The following CD101 variants were observed in gnomAD, a reference collection of about 807,000 sequenced individuals.
CD101 encodes the protein CD101 molecule, also known as immunoglobulin superfamily member 2.
A neutral mutation model predicts 98.2 loss-of-function variants in CD101; 76 were observed. The observed-to-expected ratio is 0.77, with a 90% CI of 0.64 to 0.94. The LOEUF (loss-of-function observed/expected upper bound fraction) is 0.94, where lower values mean the gene tolerates loss of function less well. CD101 is among the 40% of genes least tolerant of loss of function. The pLI is 0.00. For synonymous variants in CD101, 471 were observed against 472.7 expected (o/e 1.00, Z 0.05); for missense variants, 1,145 against 1,218.8 (o/e 0.94, Z 0.90).
chr1:117,002,168 CAA>C (rs1328040754), intron 1 of CD101, among the ~76,000 whole-genome samples: 2 of 152,158 alleles, frequency 1.3e-5, no homozygotes, highest in East Asian at 3.8e-4. Flanking sequence ...CCGATCATCC[CAA>C]GAGACAGTAA....
rs756431651 is a variant in CD101, at chr1:117,018,186, G to C, written c.1643G>C (p.Arg548Pro). The C allele has an allele frequency of 1.9e-6, 3 of 1,605,022 alleles. No homozygotes were observed. Among genetic ancestry groups the C allele is most frequent in the Non-Finnish European group, 2.6e-6 (3 of 1,174,238 alleles). ...AGTTTACAAGTTAGTCTGATGAGCC[G>C]TCAGCCGCAAGTGATGTTAACCAAC... is the stretch of plus-strand genomic sequence containing the variant. Reference protein sequence around the residue: ...ESSLQVSLMSRQPQVMLTNTF... With the variant: ...ESSLQVSLMSPQPQVMLTNTF... Residue 548 changes from arginine to proline, a missense_variant, in exon 6 of 10, where the codon CGT (arginine) becomes CCT (proline). Transcript: ENST00000682167. This position sits in a 1 kb window ranked among gnomAD's most constrained non-coding sequence, Gnocchi z 4.3.
rs765642030 is a variant in CD101, at chr1:117,034,090, G to A, written c.3055G>A (p.Glu1019Lys). The A allele has an allele frequency of 6.2e-7, 1 of 1,614,116 alleles. No individual in the cohort carries two copies. The highest frequency in any genetic ancestry group is 8.5e-7 in the Non-Finnish European group (1 of 1,180,038). Residue 1019 changes from glutamate (E) to lysine (K), a missense_variant, in exon 9 of 10, where the codon GAA (glutamate) becomes AAA (lysine). Glu to Lys is a moderately conservative substitution (Grantham distance 56). Transcript: ENST00000682167. ...TNRREDEEED[E>K]GN The stretch of plus-strand genomic sequence containing the variant: ...TAGGAGGGAAGACGAGGAGGAAGAT[G>A]AAGGCAACTGAATCCCAAGAGGCAC...
At chr1:117,009,816 C>G (rs200947837) in intron 1 of CD101, 34 bp from the exon 2 acceptor site, 202 of 1,559,272 alleles carry the variant, frequency 1.3e-4, no homozygotes, top group Non-Finnish European at 1.7e-4. Flanking sequence ...ACACTAATCT[C>G]TTTTTATTCC....
intron 1 of CD101, among the ~76,000 whole-genome samples, chr1:117,003,028 G>C (rs1652331167): frequency 6.6e-6 from 1 of 152,200 alleles, no homozygotes. Context: ...TGTGGCCCTA[G>C]CTACTTGGGA....
At position 117,034,106 on chromosome 1, in the gene CD101, C is replaced by T. The variant is rs367845374; in HGVS notation, c.*5C>T. 1.9e-6 allele frequency: 3 copies of T among 1,613,662 alleles called. No individual in the cohort carries two copies. The highest frequency in any genetic ancestry group is 1.3e-5 in the African/African-American group (1 of 74,876). ...GAGGAAGATGAAGGCAACTGAATCCCAAGAGGCACCTGCAGCCAGGAAGGA... is the reference window on the plus strand; with the variant it reads ...GAGGAAGATGAAGGCAACTGAATCCTAAGAGGCACCTGCAGCCAGGAAGGA... On this transcript the variant is annotated 3_prime_UTR_variant, in exon 9 of 10. Transcript: ENST00000682167.
Position 117,001,853 on chromosome 1 carries a change from CCTT to C in CD101, c.39_41del (p.Leu14del). 1.2e-6 allele frequency: 2 copies of C among 1,614,064 alleles called. No individual in the cohort carries two copies. Among genetic ancestry groups the C allele is most frequent in the Non-Finnish European group, 1.7e-6 (2 of 1,179,960 alleles). On this transcript the variant is annotated inframe_deletion, in exon 1 of 10. Coordinates refer to ENST00000682167, the MANE Select transcript of CD101 (RefSeq NM_001256106.3). ...TCTCATATGTGGCATCTTTCTTTCT[CCTT>C]CTGAGTAAGTTTCATAATCCTTTAT...
Position 117,011,749 on chromosome 1 carries a change from C to G in CD101, c.624C>G (p.Val208=). Residue 208 remains valine, a synonymous_variant, in exon 3 of 10, where the codon GTC becomes GTG. Transcript: ENST00000682167. ...CTCTCTCCAAAGATTTTATATTGGT[C>G]CCTGGGCCCTTGTATACAGAGCGGT... ...IISLSKDFIL[V]PGPLYTERFA... is the part of the protein sequence containing the mutation. The G allele has an allele frequency of 6.2e-7, 1 of 1,614,104 alleles. No homozygotes were observed.
chr1:117,017,484 A>G lies in CD101; in HGVS notation c.1612+11A>G, dbSNP rs1653310174. ...CTGTAAAGTCTCTGGGTAAGTGTCA[A>G]AGGAAGTCCTTTTCTGCACCTGTAT... is the stretch of plus-strand genomic sequence containing the variant. On this transcript the variant is annotated intron_variant, in intron 5 of 9. Transcript: ENST00000682167. The G allele has an allele frequency of 6.3e-7, 1 of 1,596,640 alleles. No individual in the cohort carries two copies. The highest frequency in any genetic ancestry group is 8.5e-7 in the Non-Finnish European group (1 of 1,169,798).
At chr1:117,035,774 G>A (rs898074780) in intron 9 of CD101, among the ~76,000 whole-genome samples, 11 of 152,098 alleles carry the variant, frequency 7.2e-5, no homozygotes, top group Middle Eastern at 3.4e-3. Context: ...GGATGGTCTC[G>A]ATCTCCTGAC....
At chr1:117,013,304 G>A (rs1652998507) in intron 3 of CD101, 102 bp from the exon 4 acceptor site, 2 of 1,348,786 alleles carry the variant, frequency 1.5e-6, no homozygotes, top group African/African-American at 1.5e-5. Flanking sequence ...CACATAAAAT[G>A]TGATCCCTGT....
intron 8 of CD101, among the ~76,000 whole-genome samples, chr1:117,028,053 C>T (rs1654074315): frequency 6.6e-6 from 1 of 151,796 alleles, no homozygotes; most frequent in African/African-American, 2.4e-5. Context: ...CCATTGCACT[C>T]CAGCCTGGGC....
rs537625778 is a variant in CD101 at position 117,022,099 on chromosome 1, A to G, written c.2428+116A>G. 1.1e-3 allele frequency: 1,240 copies of G among 1,140,126 alleles called. 2 individuals carry two copies. Among genetic ancestry groups the G allele is most frequent in the Non-Finnish European group, 1.5e-3 (1,186 of 800,612 alleles). The allele number at this position is 1,140,126 out of a possible 1,614,324, so 70.6% of individuals were successfully genotyped here. A position where few individuals can be genotyped will look rare whatever the true frequency, so the allele number is the denominator to read the frequency against. ...TAAAAATATGACCTAAAGTCATAGGAACAGTATCTACCTACACATGACTGC... is the reference window on the plus strand; with the variant it reads ...TAAAAATATGACCTAAAGTCATAGGGACAGTATCTACCTACACATGACTGC... On this transcript the variant is annotated intron_variant, in intron 7 of 9. Coordinates refer to ENST00000682167, the MANE Select transcript of CD101 (RefSeq NM_001256106.3). The surrounding 1 kb of genome is among the most constrained non-coding windows in gnomAD (Gnocchi z 4.8).
At chr1:117,027,942 G>T (rs912126685) in intron 8 of CD101, among the ~76,000 whole-genome samples, 1 of 152,022 alleles carries the variant, frequency 6.6e-6, no homozygotes, top group Non-Finnish European at 1.5e-5. Flanking sequence ...AAAATTAGCC[G>T]GGCATGGTGG....
At chr1:117,014,223 G>A (rs1653069042) in intron 4 of CD101, among the ~76,000 whole-genome samples, 1 of 135,350 alleles carries the variant, frequency 7.4e-6, no homozygotes, top group South Asian at 2.4e-4. Flanking sequence ...GTGTGTGTGT[G>A]TGTGTGATAT....
rs934239695 is a variant in CD101, at chr1:117,023,401, C to T, written c.2428+1418C>T. On this transcript the variant is annotated intron_variant, in intron 7 of 9. Transcript: ENST00000682167. This position sits in a 1 kb window ranked among gnomAD's most constrained non-coding sequence, Gnocchi z 4.4. ...GTGACATCTCCCAGTTTGAGAATGT[C>T]CACAACTAATTCACTTCTTCTTTTT... Among the ~76,000 whole-genome samples the T allele has an allele frequency of 6.6e-6, 1 of 151,980 alleles. No individual in the cohort carries two copies. Among genetic ancestry groups the T allele is most frequent in the African/African-American group, 2.4e-5 (1 of 41,372 alleles).
intron 4 of CD101, among the ~76,000 whole-genome samples, 190 bp downstream of exon 4, chr1:117,013,982 G>C (rs994063088): frequency 2.0e-5 from 3 of 152,088 alleles, no homozygotes; most frequent in Non-Finnish European, 2.9e-5. Context: ...CTATTCCTGA[G>C]TCATTAAGTA....
rs1654569306 is a variant in CD101, at chr1:117,033,170, A to G, written c.2825-690A>G. On this transcript the variant is annotated intron_variant, in intron 8 of 9. Transcript: ENST00000682167. This position sits in a 1 kb window ranked among gnomAD's most constrained non-coding sequence, Gnocchi z 4.8. ...AGAAGAACTGTGCCTGCAGCAAGGT[A>G]GGAAGAGCTGAGAGAGTAGGAAGTG... The G allele has an allele frequency of 1.3e-5, 2 of 153,070 alleles. No homozygotes were observed. Among genetic ancestry groups the G allele is most frequent in the African/African-American group, 4.8e-5 (2 of 41,470 alleles). The allele number at this position is 153,070 out of a possible 1,614,324, so 9.5% of individuals were successfully genotyped here.
chr1:117,003,308 A>G (rs1012831678), intron 1 of CD101, among the ~76,000 whole-genome samples: 1 of 152,186 alleles, frequency 6.6e-6, no homozygotes, highest in Admixed American at 6.5e-5. Context: ...CAGCACAAAG[A>G]GGTTGCTTAA....
At chr1:117,027,504 T>C (rs1398533932) in intron 8 of CD101, among the ~76,000 whole-genome samples, 1 of 152,062 alleles carries the variant, frequency 6.6e-6, no homozygotes, top group African/African-American at 2.4e-5. Flanking sequence ...GAAACATATT[T>C]TAAGAACATG....
Sources: gnomAD v4.1 joint callset for allele counts (sites outside exome capture counted in the v4.1 genomes callset) on GRCh38, gnomAD v4.1.1 for gene constraint, Gnocchi (gnomAD v3.1) non-coding constraint, MANE v1.5 for transcripts, NCBI Gene and HGNC (gene_info 2026-07-23, HGNC 2026-07-21) for gene names.